SCAF8: variants seen among roughly 807,000 people sequenced by gnomAD.
SCAF8 encodes the protein SR-related CTD associated factor 8, also known as SR-related and CTD-associated factor 8.
Under a neutral mutation model 140.5 loss-of-function variants are expected in SCAF8, and 23 were observed. The observed-to-expected ratio is 0.16, with a 90% confidence interval of 0.12 to 0.23. SCAF8 has a LOEUF of 0.23. Among genes scored for constraint, SCAF8 ranks in the 10% least tolerant of loss-of-function variants. The pLI is 1.00. For synonymous variants in SCAF8, 575 were observed against 528.9 expected, an observed-to-expected ratio of 1.09 and a Z score of -1.20; for missense variants, 1,397 against 1,555.7, an observed-to-expected ratio of 0.90 and a Z score of 1.72.
At chr6:154,805,881 CAAT>C (rs1228581536) in intron 9 of SCAF8, among the ~76,000 whole-genome samples, 7 of 152,200 alleles carry the variant, frequency 4.6e-5, no homozygotes, top group Non-Finnish European at 7.4e-5. Context: ...TTAATGGTGA[CAAT>C]GATGATGGCC....
intron 6 of SCAF8, among the ~76,000 whole-genome samples, chr6:154,800,111 T>C (rs1777730095): frequency 6.6e-6 from 1 of 151,340 alleles, no homozygotes; most frequent in Non-Finnish European, 1.5e-5. Context: ...AACTGTAAAC[T>C]CTTACCTGTC....
chr6:154,773,562 C>T lies in SCAF8; in HGVS notation c.31-427C>T, dbSNP rs150494487. Among the ~76,000 whole-genome samples the T allele has an allele frequency of 5.9e-5, 9 of 152,194 alleles. No homozygotes were observed. In the East Asian group the frequency reaches 7.7e-4, roughly 13 times the overall value. On this transcript the variant is annotated intron_variant, in intron 1 of 19. Transcript: ENST00000367178. Reference sequence around the variant, plus strand: ...TTTTCTTTCTTTTTGAACCCTCAGACGGGAAAAAGTATCATGTACAAGTTC... The same window carrying T: ...TTTTCTTTCTTTTTGAACCCTCAGATGGGAAAAAGTATCATGTACAAGTTC...
intron 3 of SCAF8, among the ~76,000 whole-genome samples, chr6:154,787,360 T>C (rs1309638502): frequency 6.6e-6 from 1 of 152,206 alleles, no homozygotes; most frequent in African/African-American, 2.4e-5. Context: ...TCCCCAGGAT[T>C]ATAGATGTTA....
intron 4 of SCAF8, 140 bp downstream of exon 4, chr6:154,788,162 G>T: frequency 4.5e-6 from 3 of 664,060 alleles, no homozygotes; most frequent in Non-Finnish European, 7.5e-6. Flanking sequence ...TACAGTGGTG[G>T]TCTCCTAAGA....
chr6:154,822,427 G>GT lies in SCAF8; in HGVS notation c.1926+28dup, dbSNP rs543052882. On this transcript the variant is annotated intron_variant, in intron 16 of 19. Transcript: ENST00000367178. ...TGTTGCAGGTTAGTGTTGAAGTGGG[G>GT]TTTTTTTTTTCTTGTGTTGTTTTAC... 24,265 of 1,308,038 alleles carry GT rather than the reference G, an allele frequency of 0.019. No homozygotes were observed. Among genetic ancestry groups the GT allele is most frequent in the South Asian group, 0.037 (2,497 of 66,776 alleles). The allele number at this position is 1,308,038 out of a possible 1,614,324, so 81.0% of individuals were successfully genotyped here.
chr6:154,797,836 T>TA (rs1250677301), intron 6 of SCAF8, among the ~76,000 whole-genome samples: 1 of 151,634 alleles, frequency 6.6e-6, no homozygotes, highest in African/African-American at 2.4e-5. Flanking sequence ...TTTCATTACT[T>TA]AGATTACAAA....
chr6:154,780,145 CTA>C (rs1777043946), intron 3 of SCAF8, among the ~76,000 whole-genome samples: 1 of 152,148 alleles, frequency 6.6e-6, no homozygotes. Flanking sequence ...TTTATATACT[CTA>C]TAGTCATACT....
intron 1 of SCAF8, among the ~76,000 whole-genome samples, chr6:154,767,316 C>T (rs1776605183): frequency 6.6e-6 from 1 of 152,006 alleles, no homozygotes; most frequent in Admixed American, 6.5e-5. Context: ...TAGTCTATAC[C>T]CTCCTGCTTT....
chr6:154,785,192 G>T (rs1777217242), intron 3 of SCAF8, among the ~76,000 whole-genome samples: 1 of 152,096 alleles, frequency 6.6e-6, no homozygotes, highest in Admixed American at 6.5e-5. Flanking sequence ...ATTACTATCT[G>T]TTGCTGTATA....
chr6:154,772,949 A>C (rs1020317419), intron 1 of SCAF8, among the ~76,000 whole-genome samples: 1 of 151,992 alleles, frequency 6.6e-6, no homozygotes, highest in South Asian at 2.1e-4. Context: ...TAGTAGCGAC[A>C]GGGTTTCCCC....
Position 154,788,073 on chromosome 6 carries a change from C to T in SCAF8, c.321+51C>T, listed in dbSNP as rs370110834. On this transcript the variant is annotated intron_variant, in intron 4 of 19. Coordinates refer to ENST00000367178, the MANE Select transcript of SCAF8 (RefSeq NM_014892.5). ...TTTTTTTAAAAGTAGATACAGTAGC[C>T]TCTTGGTCTTAATTAGTCTTCAGAT... 5.1e-4 allele frequency: 750 copies of T among 1,463,160 alleles called. 4 individuals carry two copies. Among genetic ancestry groups the T allele is most frequent in the Non-Finnish European group, 1.2e-4 (128 of 1,074,244 alleles). 90.6% of individuals were successfully genotyped at this position (1,463,160 alleles called of 1,614,324 possible). A position where few individuals can be genotyped will look rare whatever the true frequency, so the allele number is the denominator to read the frequency against.
chr6:154,794,981 T>C (rs780082624), intron 5 of SCAF8, 28 bp from the exon 6 acceptor site: 1 of 1,564,012 alleles, frequency 6.4e-7, no homozygotes, highest in Non-Finnish European at 8.6e-7. Flanking sequence ...ACATATTTAT[T>C]TGGGGGGTGT....
At chr6:154,828,755 T>G (rs752025841) in intron 18 of SCAF8, among the ~76,000 whole-genome samples, 56 of 152,134 alleles carry the variant, frequency 3.7e-4, no homozygotes, top group Non-Finnish European at 7.5e-4. Context: ...TTTCGTCGAG[T>G]CTAGGAATTT....
intron 6 of SCAF8, among the ~76,000 whole-genome samples, chr6:154,800,219 C>T (rs895723970): frequency 2.6e-5 from 4 of 151,262 alleles, no homozygotes; most frequent in African/African-American, 9.7e-5. Flanking sequence ...TTTTTTTCTA[C>T]CTCTTCCCAC....
chr6:154,738,205 A>C (rs1297793778), intron 1 of SCAF8, among the ~76,000 whole-genome samples: 10 of 152,048 alleles, frequency 6.6e-5, no homozygotes, highest in Non-Finnish European at 1.0e-4. Context: ...CAAAAAAAAA[A>C]AAAAGAAAAG....
rs376273596 is a variant in SCAF8 at position 154,799,775 on chromosome 6, CTATTTATTTATT to C, written c.607-2181_607-2170del. On this transcript the variant is annotated intron_variant, in intron 6 of 19. Coordinates refer to ENST00000367178, the MANE Select transcript of SCAF8 (RefSeq NM_014892.5). ...ACTTTAATAAGGCCTTCAGTGACTG[CTATTTATTTATT>C]TATTTATTTATTTAGAGACAGGGTC... Among the ~76,000 whole-genome samples, 2 of 150,378 alleles carry C rather than the reference CTATTTATTTATT, an allele frequency of 1.3e-5. 1 individual carries two copies. The highest frequency in any genetic ancestry group is 3.0e-5 in the Non-Finnish European group (2 of 67,444).
At chr6:154,736,227 TA>T (rs956263954) in intron 1 of SCAF8, among the ~76,000 whole-genome samples, 1 of 149,174 alleles carries the variant, frequency 6.7e-6, no homozygotes, top group African/African-American at 2.5e-5. Flanking sequence ...GGGGGGTTCC[TA>T]ATAATGTGGT....
intron 17 of SCAF8, among the ~76,000 whole-genome samples, chr6:154,826,559 A>C (rs1347575461): frequency 1.3e-5 from 2 of 152,212 alleles, no homozygotes; most frequent in African/African-American, 2.4e-5. Flanking sequence ...CAAAAAATGC[A>C]AAGAAGCAAA....
At chr6:154,794,087 A>C (rs1165349347) in intron 5 of SCAF8, among the ~76,000 whole-genome samples, 2 of 151,442 alleles carry the variant, frequency 1.3e-5, no homozygotes, top group Non-Finnish European at 2.9e-5. Flanking sequence ...ATGCCTGGCT[A>C]ATTTTTTTTT....
Sources: gnomAD v4.1 joint callset for allele counts (sites outside exome capture counted in the v4.1 genomes callset) on GRCh38, gnomAD v4.1.1 for gene constraint, MANE v1.5 for transcripts, NCBI Gene and HGNC (gene_info 2026-07-23, HGNC 2026-07-21) for gene names.